Variants in FARS2 observed in about 807,000 individuals in gnomAD.
The protein encoded by FARS2 is phenylalanyl-tRNA synthetase 2, mitochondrial, also known as phenylalanine--tRNA ligase, mitochondrial.
In FARS2, 40 loss-of-function variants were observed where a neutral mutation model predicts 46.4. That is an observed-to-expected ratio of 0.86 (90% CI 0.67 to 1.12). The LOEUF is 1.12. FARS2 is among the 50% of genes most tolerant of loss of function. The pLI is 0.00. For synonymous variants in FARS2, 234 were observed against 214.9 expected, an observed-to-expected ratio of 1.09 and a Z score of -0.78; for missense variants, 513 against 567.9, an observed-to-expected ratio of 0.90 and a Z score of 0.98.
At chr6:5,470,800 A>G (rs560160202) in intron 4 of FARS2, among the ~76,000 whole-genome samples, 65 of 152,324 alleles carry the variant, frequency 4.3e-4, no homozygotes, top group African/African-American at 1.5e-3. Context: ...ATGAGATCCT[A>G]TAAGTATCAT....
At chr6:5,743,658 C>T (rs1204573130) in intron 6 of FARS2, among the ~76,000 whole-genome samples, 3 of 152,186 alleles carry the variant, frequency 2.0e-5, no homozygotes, top group Non-Finnish European at 4.4e-5. Context: ...GCTGTTTTCA[C>T]GTTAGGGTGG....
intron 4 of FARS2, among the ~76,000 whole-genome samples, chr6:5,474,991 T>C (rs988015430): frequency 6.6e-6 from 1 of 152,146 alleles, no homozygotes; most frequent in Non-Finnish European, 1.5e-5. Context: ...AGGACCACTG[T>C]CATATATAAG....
At chr6:5,425,342 C>T (rs1338958190) in intron 3 of FARS2, among the ~76,000 whole-genome samples, 1 of 152,106 alleles carries the variant, frequency 6.6e-6, no homozygotes, top group Admixed American at 6.5e-5. Flanking sequence ...TGGGAAACAG[C>T]AGAAGAATCT....
At chr6:5,275,883 A>G (rs941049041) in intron 1 of FARS2, among the ~76,000 whole-genome samples, 4 of 152,062 alleles carry the variant, frequency 2.6e-5, no homozygotes, top group Admixed American at 6.5e-5. Flanking sequence ...GCGTTACGAT[A>G]TATTCTCCCA....
intron 6 of FARS2, among the ~76,000 whole-genome samples, chr6:5,672,545 A>G (rs1443932138): frequency 6.6e-6 from 1 of 152,242 alleles, no homozygotes; most frequent in Admixed American, 6.5e-5. Context: ...ACATAACTTC[A>G]GGGGCAGGTT....
At chr6:5,285,723 T>C (rs1421412877) in intron 1 of FARS2, among the ~76,000 whole-genome samples, 1 of 152,132 alleles carries the variant, frequency 6.6e-6, no homozygotes, top group African/African-American at 2.4e-5. Flanking sequence ...ACCATTTAGG[T>C]CAAGTTTCAG....
rs542669387 is a variant in FARS2, at chr6:5,431,358, TC to T, written c.904+188del. Among the ~76,000 whole-genome samples the T allele has an allele frequency of 3.0e-4, 45 of 152,304 alleles. No individual in the cohort carries two copies. The South Asian group carries it at 8.7e-3, about 29-fold the overall frequency. ...GCCCTGGAAAAACTTATTTCTCACA[TC>T]CGTATTTGCAAAGGCTCTTTGTCTT... On this transcript the variant is annotated intron_variant, in intron 4 of 6. Transcript: ENST00000274680.
In FARS2 at chr6:5,539,384, G is replaced by GTATA. The variant is rs1554106819; in HGVS notation, c.905-5784_905-5781dup. On this transcript the variant is annotated intron_variant, in intron 4 of 6. Coordinates refer to ENST00000274680, the MANE Select transcript of FARS2 (RefSeq NM_006567.5). Reference sequence around the variant, plus strand: ...ACCATGCCCACCTAATTTTTTTTGTGTATATATATATATATGTATATATTT... The same window carrying GTATA: ...ACCATGCCCACCTAATTTTTTTTGTGTATATATATATATATATATGTATATATTT... Among the ~76,000 whole-genome samples, 399 of 79,590 alleles carry GTATA rather than the reference G, an allele frequency of 5.0e-3. 24 individuals carry two copies. Among genetic ancestry groups the GTATA allele is most frequent in the Middle Eastern group, 0.019 (3 of 156 alleles). The allele number at this position is 79,590 out of a possible 152,430, so 52.2% of individuals were successfully genotyped here.
At chr6:5,556,676 T>TAAGAAAGA (rs60141468) in intron 5 of FARS2, among the ~76,000 whole-genome samples, 7 of 150,642 alleles carry the variant, frequency 4.6e-5, no homozygotes, top group Non-Finnish European at 5.9e-5. Context: ...ATTAAGTTAC[T>TAAGAAAGA]AAGAAAGAAA....
intron 2 of FARS2, among the ~76,000 whole-genome samples, chr6:5,393,392 A>C (rs548644609): frequency 6.6e-6 from 1 of 152,060 alleles, no homozygotes; most frequent in East Asian, 1.9e-4. Flanking sequence ...CATGGTGGCT[A>C]ACGCCTGTAA....
intron 4 of FARS2, among the ~76,000 whole-genome samples, chr6:5,539,760 A>G (rs914801325): frequency 6.6e-6 from 1 of 152,134 alleles, no homozygotes; most frequent in African/African-American, 2.4e-5. Flanking sequence ...GGCAGGAGCA[A>G]CTATCTCTTG....
chr6:5,452,074 T>C (rs894940165), intron 4 of FARS2: 2 of 152,226 alleles, frequency 1.3e-5, no homozygotes, highest in African/African-American at 2.4e-5. Context: ...TGCAGTATTA[T>C]ACTGAAGAAA....
intron 6 of FARS2, among the ~76,000 whole-genome samples, chr6:5,701,569 G>T (rs1758438576): frequency 6.6e-6 from 1 of 152,190 alleles, no homozygotes; most frequent in Admixed American, 6.5e-5. Context: ...CAGATACCAG[G>T]TTCTCTCTCA....
At chr6:5,411,132 G>A (rs1761920611) in intron 3 of FARS2, among the ~76,000 whole-genome samples, 1 of 151,952 alleles carries the variant, frequency 6.6e-6, no homozygotes, top group African/African-American at 2.4e-5. Flanking sequence ...CAAAAATCAG[G>A]GCCAGGCCCA....
intron 3 of FARS2, among the ~76,000 whole-genome samples, chr6:5,407,977 C>T (rs1761712656): frequency 6.6e-6 from 1 of 152,138 alleles, no homozygotes; most frequent in Admixed American, 6.5e-5. Flanking sequence ...GATTCAGGCT[C>T]ATCTGAATTT....
At chr6:5,723,677 G>A (rs898629030) in intron 6 of FARS2, among the ~76,000 whole-genome samples, 9 of 152,274 alleles carry the variant, frequency 5.9e-5, no homozygotes, top group Non-Finnish European at 8.8e-5. Flanking sequence ...TTTGTTTTGC[G>A]TGTGAGGAAA....
At chr6:5,434,108 T>G (rs57438455) in intron 4 of FARS2, among the ~76,000 whole-genome samples, 11,818 of 152,198 alleles carry the variant, frequency 0.078, 1,517 homozygotes, top group African/African-American at 0.26. Flanking sequence ...AAAAATGAAT[T>G]AATTAATTAA....
intron 4 of FARS2, among the ~76,000 whole-genome samples, chr6:5,485,578 T>G (rs1277773385): frequency 6.6e-6 from 1 of 152,198 alleles, no homozygotes; most frequent in Non-Finnish European, 1.5e-5. Flanking sequence ...CCGCAGACTT[T>G]CTCTGTAAAG....
chr6:5,690,061 C>G (rs2150859082), intron 6 of FARS2, among the ~76,000 whole-genome samples: 1 of 152,240 alleles, frequency 6.6e-6, no homozygotes, highest in Middle Eastern at 3.4e-3. Flanking sequence ...GTAGATCTTC[C>G]TTCATCCCTT....
Sources: gnomAD v4.1 joint callset for allele counts (sites outside exome capture counted in the v4.1 genomes callset) on GRCh38, gnomAD v4.1.1 for gene constraint, MANE v1.5 for transcripts, NCBI Gene and HGNC (gene_info 2026-07-23, HGNC 2026-07-21) for gene names.